The following UMAD1 variants were observed in gnomAD, a reference collection of about 807,000 sequenced individuals.
UMAD1 encodes the protein UBAP1-MVB12-associated (UMA) domain containing 1.
Under a neutral mutation model 6.1 loss-of-function variants are expected in UMAD1, and 8 were observed. The ratio of observed to expected loss-of-function variants is 1.30; its 90% CI spans 0.76 to 2.35. The LOEUF (loss-of-function observed/expected upper bound fraction) is 2.35, where lower values mean the gene tolerates loss of function less well. Among genes scored for constraint, UMAD1 ranks in the 30% most tolerant of loss-of-function variants. UMAD1 has a pLI of 0.00. For missense variants in UMAD1, 130 were observed against 78.4 expected (o/e 1.66, Z -2.49); for synonymous variants, 56 against 31.4 (o/e 1.78, Z -2.61).
At chr7:7,673,585 C>T (rs540474187) in intron 2 of UMAD1, 132 bp downstream of exon 2, 7 of 608,680 alleles carry the variant, frequency 1.2e-5, no homozygotes, top group South Asian at 4.3e-5. Context: ...ATTTTTAAAG[C>T]GTAAAATCTG....
chr7:7,749,328 A>G (rs547103495), intron 2 of UMAD1, among the ~76,000 whole-genome samples: 64 of 152,278 alleles, frequency 4.2e-4, no homozygotes, highest in Non-Finnish European at 7.1e-4. Flanking sequence ...AGAGTACAGT[A>G]TGGTTTAATT....
At chr7:7,794,206 C>T (rs144771148) in intron 2 of UMAD1, among the ~76,000 whole-genome samples, 1 of 152,178 alleles carries the variant, frequency 6.6e-6, no homozygotes, top group Admixed American at 6.5e-5. Context: ...TGCATGCAGA[C>T]AGGCTCCAAC....
At chr7:7,781,470 G>A (rs984842069) in intron 2 of UMAD1, among the ~76,000 whole-genome samples, 3 of 151,620 alleles carry the variant, frequency 2.0e-5, no homozygotes, top group Admixed American at 1.3e-4. Context: ...TTACATTAAT[G>A]TGGAAAAAAA....
At chr7:7,661,156 A>G (rs1395371343) in intron 1 of UMAD1, among the ~76,000 whole-genome samples, 1 of 152,082 alleles carries the variant, frequency 6.6e-6, no homozygotes, top group Non-Finnish European at 1.5e-5. Flanking sequence ...TGTGTTTTTC[A>G]GCTCCAGCAG....
intron 1 of UMAD1, among the ~76,000 whole-genome samples, chr7:7,645,456 A>T (rs1344625525): frequency 6.6e-6 from 1 of 152,306 alleles, no homozygotes; most frequent in South Asian, 2.1e-4. Flanking sequence ...TTCCATATTT[A>T]TGGTTATCTC....
intron 1 of UMAD1, among the ~76,000 whole-genome samples, chr7:7,646,889 C>A (rs577141450): frequency 6.6e-6 from 1 of 152,086 alleles, no homozygotes; most frequent in Non-Finnish European, 1.5e-5. Flanking sequence ...ATAGGGGTGA[C>A]ATATTGGGCC....
chr7:7,675,558 TC>T (rs1779717761), intron 2 of UMAD1, among the ~76,000 whole-genome samples: 1 of 152,190 alleles, frequency 6.6e-6, no homozygotes, highest in Non-Finnish European at 1.5e-5. Context: ...AAGTAGTCTT[TC>T]TTTAACTGAG....
intron 3 of UMAD1, among the ~76,000 whole-genome samples, chr7:7,802,335 G>A (rs547706843): frequency 4.6e-5 from 7 of 151,148 alleles, no homozygotes; most frequent in East Asian, 2.0e-4. Context: ...CCTAGATCGC[G>A]CCTCTGCGCT....
chr7:7,825,048 T>C (rs73055850), intron 3 of UMAD1, among the ~76,000 whole-genome samples: 1,710 of 152,282 alleles, frequency 0.011, 28 homozygotes, highest in Middle Eastern at 0.031. Flanking sequence ...TGGCACACTT[T>C]CCATTCAGGT....
chr7:7,659,698 C>T (rs1236518982), intron 1 of UMAD1, among the ~76,000 whole-genome samples: 2 of 152,056 alleles, frequency 1.3e-5, no homozygotes, highest in Non-Finnish European at 2.9e-5. Context: ...TTTTGCATTT[C>T]CTGAGGAGTG....
At chr7:7,783,025 G>A (rs1265778869) in intron 2 of UMAD1, among the ~76,000 whole-genome samples, 1 of 152,148 alleles carries the variant, frequency 6.6e-6, no homozygotes, top group African/African-American at 2.4e-5. Flanking sequence ...GAGGCATCGT[G>A]CCCAACCTAG....
intron 2 of UMAD1, among the ~76,000 whole-genome samples, chr7:7,749,555 T>G (rs1218687126): frequency 6.6e-6 from 1 of 152,190 alleles, no homozygotes; most frequent in African/African-American, 2.4e-5. Flanking sequence ...GTGTTCTCAG[T>G]ACTGGTGGCA....
intron 2 of UMAD1, among the ~76,000 whole-genome samples, chr7:7,793,932 A>G (rs1378111618): frequency 6.6e-6 from 1 of 152,256 alleles, no homozygotes; most frequent in Non-Finnish European, 1.5e-5. Flanking sequence ...CTCCACAGTC[A>G]AATACACTTC....
At chr7:7,744,763 A>G (rs981804221) in intron 2 of UMAD1, among the ~76,000 whole-genome samples, 1 of 152,082 alleles carries the variant, frequency 6.6e-6, no homozygotes, top group Non-Finnish European at 1.5e-5. Context: ...TTTAAGTCAT[A>G]TTATTTGTCT....
At chr7:7,666,874 C>T (rs1013709332) in intron 1 of UMAD1, among the ~76,000 whole-genome samples, 27 of 152,074 alleles carry the variant, frequency 1.8e-4, no homozygotes, top group African/African-American at 6.5e-4. Flanking sequence ...GGTGGGGTCT[C>T]AGCTCACTGC....
At chr7:7,809,098 A>G (rs2115281894) in intron 3 of UMAD1, among the ~76,000 whole-genome samples, 1 of 152,128 alleles carries the variant, frequency 6.6e-6, no homozygotes, top group South Asian at 2.1e-4. Context: ...AGCAAATTTA[A>G]TAGAGTAGCA....
chr7:7,709,609 G>T (rs1357307523), intron 2 of UMAD1, among the ~76,000 whole-genome samples: 1 of 152,198 alleles, frequency 6.6e-6, no homozygotes, highest in Admixed American at 6.5e-5. Flanking sequence ...TCACCTGTTT[G>T]CTCAGAAGTC....
chr7:7,813,920 T>C (rs1030351673), intron 3 of UMAD1, among the ~76,000 whole-genome samples: 2 of 152,226 alleles, frequency 1.3e-5, no homozygotes, highest in African/African-American at 4.8e-5. Flanking sequence ...TAAGGCATTG[T>C]CAACTACATT....
chr7:7,814,473 T>A (rs952951830), intron 3 of UMAD1, among the ~76,000 whole-genome samples: 3 of 152,200 alleles, frequency 2.0e-5, no homozygotes, highest in Non-Finnish European at 2.9e-5. Context: ...CTGCTTGCTT[T>A]ATTTTCCTCT....
Sources: gnomAD v4.1 joint callset for allele counts (sites outside exome capture counted in the v4.1 genomes callset) on GRCh38, gnomAD v4.1.1 for gene constraint, MANE v1.5 for transcripts, NCBI Gene and HGNC (gene_info 2026-07-23, HGNC 2026-07-21) for gene names.